The following ARHGEF3 variants were observed in gnomAD, a reference collection of about 807,000 sequenced individuals.
ARHGEF3 encodes the protein 59.8 kDA protein.
Under a neutral mutation model 63.2 loss-of-function variants are expected in ARHGEF3, and 28 were observed. That is an observed-to-expected ratio of 0.44 (90% CI 0.33 to 0.61). ARHGEF3 has a LOEUF of 0.61. Ranked by LOEUF, ARHGEF3 falls within the 20% of genes least tolerant of loss-of-function variation. The pLI is 0.03. For missense variants in ARHGEF3, 533 were observed against 659.3 expected, an observed-to-expected ratio of 0.81 and a Z score of 2.10; for synonymous variants, 266 against 254.2, an observed-to-expected ratio of 1.05 and a Z score of -0.44.
chr3:56,766,949 C>T (rs1044846413), intron 2 of ARHGEF3, among the ~76,000 whole-genome samples: 27 of 152,046 alleles, frequency 1.8e-4, no homozygotes, highest in African/African-American at 6.0e-4. Flanking sequence ...AACAAATGTT[C>T]AACAACAGGA....
At chr3:56,773,054 C>A (rs965284186) in intron 2 of ARHGEF3, among the ~76,000 whole-genome samples, 4 of 151,936 alleles carry the variant, frequency 2.6e-5, no homozygotes, top group African/African-American at 9.7e-5. Flanking sequence ...TGTAAAGGGC[C>A]AGATGGTAAA....
chr3:56,911,960 T>TAC (rs1194074383), intron 3 of ARHGEF3, among the ~76,000 whole-genome samples: 3 of 149,772 alleles, frequency 2.0e-5, no homozygotes, highest in Admixed American at 6.6e-5. Context: ...CATATATATA[T>TAC]ACACACACAT....
intron 2 of ARHGEF3, among the ~76,000 whole-genome samples, chr3:56,967,161 C>T (rs1455889088): frequency 1.4e-5 from 2 of 145,248 alleles, no homozygotes; most frequent in African/African-American, 2.5e-5. Context: ...CCGCGCCCAG[C>T]CTTTTTTTTT....
chr3:56,893,664 G>A (rs971700425), intron 3 of ARHGEF3, among the ~76,000 whole-genome samples: 4 of 151,934 alleles, frequency 2.6e-5, no homozygotes, highest in Admixed American at 1.3e-4. Context: ...AAATTAGCCC[G>A]GCATGGTGGT....
At position 57,073,544 on chromosome 3, in the gene ARHGEF3, G is replaced by A. The variant is rs144737201; in HGVS notation, c.-28+5682C>T. 1.4e-5 allele frequency: 19 copies of A among 1,325,816 alleles called. No homozygotes were observed. In the East Asian group the frequency reaches 2.3e-4, roughly 16 times the overall value. The allele number at this position is 1,325,816 out of a possible 1,614,324, so 82.1% of individuals were successfully genotyped here. ...GGGTTTGGCTCTGTTTGAGCACCCCGGGATGATTGGTGGTGGGGTGTGGCT... is the reference window on the plus strand; with the variant it reads ...GGGTTTGGCTCTGTTTGAGCACCCCAGGATGATTGGTGGTGGGGTGTGGCT... On this transcript the variant is annotated intron_variant, in intron 1 of 12. Transcript: ENST00000338458.
chr3:57,009,134 A>G (rs911303747), intron 2 of ARHGEF3, among the ~76,000 whole-genome samples: 3 of 152,254 alleles, frequency 2.0e-5, no homozygotes, highest in Admixed American at 1.3e-4. Flanking sequence ...GTGAGCCTCA[A>G]GTTTGAGGCT....
chr3:57,068,168 T>TACATACAC lies in ARHGEF3; in HGVS notation c.-28+11057_-28+11058insGTGTATGT, dbSNP rs1553820867. On this transcript the variant is annotated intron_variant, in intron 1 of 12. Transcript: ENST00000338458. ...ATTCAGATATGCGCGCACACACACA[T>TACATACAC]ACACACACACACACACACACACCAG... 3.8e-4 allele frequency among the ~76,000 whole-genome samples: 56 copies of TACATACAC among 149,094 alleles called. 2 individuals are homozygous for TACATACAC. The highest frequency in any genetic ancestry group is 6.8e-3 in the Middle Eastern group (2 of 294).
chr3:56,980,659 C>T (rs1435799946), intron 2 of ARHGEF3, among the ~76,000 whole-genome samples: 1 of 152,214 alleles, frequency 6.6e-6, no homozygotes, highest in African/African-American at 2.4e-5. Flanking sequence ...CTCCTATTAG[C>T]CCATTAGGAA....
intron 4 of ARHGEF3, among the ~76,000 whole-genome samples, chr3:56,821,300 T>A (rs1356892891): frequency 6.6e-6 from 1 of 152,162 alleles, no homozygotes; most frequent in Non-Finnish European, 1.5e-5. Flanking sequence ...GGGAAGAAGT[T>A]AGTAATTGTT....
chr3:57,000,305 AACTCCCACAC>A (rs1197026435), intron 2 of ARHGEF3, among the ~76,000 whole-genome samples: 11 of 79,316 alleles, frequency 1.4e-4, no homozygotes, highest in South Asian at 4.6e-4. Flanking sequence ...TTTAGAGGGT[AACTCCCACAC>A]ACACACACAC....
At chr3:57,013,910 G>T (rs558400595) in intron 2 of ARHGEF3, among the ~76,000 whole-genome samples, 1 of 152,196 alleles carries the variant, frequency 6.6e-6, no homozygotes, top group Admixed American at 6.5e-5. Context: ...GCAGGCTGCC[G>T]GAGCCAGCAG....
chr3:56,745,920 C>G (rs537589037), intron 6 of ARHGEF3, among the ~76,000 whole-genome samples: 14 of 152,354 alleles, frequency 9.2e-5, no homozygotes, highest in African/African-American at 3.4e-4. Context: ...ATCCGCCCGC[C>G]TCGGCCTCCC....
intron 3 of ARHGEF3, among the ~76,000 whole-genome samples, chr3:56,944,674 A>G (rs934292267): frequency 7.3e-6 from 1 of 137,506 alleles, no homozygotes; most frequent in Non-Finnish European, 1.5e-5. Context: ...CCTCCCGGGT[A>G]CAAGCAATTC....
intron 3 of ARHGEF3, among the ~76,000 whole-genome samples, chr3:56,887,106 T>TG (rs144225073): frequency 0.032 from 4,935 of 152,278 alleles, 270 homozygotes; most frequent in African/African-American, 0.11. Flanking sequence ...GAGCTATCAG[T>TG]GTCTGCTATC....
intron 3 of ARHGEF3, among the ~76,000 whole-genome samples, chr3:56,909,687 C>A (rs989326194): frequency 6.6e-6 from 1 of 152,196 alleles, no homozygotes; most frequent in African/African-American, 2.4e-5. Flanking sequence ...ACATGCCGGG[C>A]CTTGGGATAG....
At chr3:56,885,904 C>A (rs532609106) in intron 3 of ARHGEF3, among the ~76,000 whole-genome samples, 3 of 152,314 alleles carry the variant, frequency 2.0e-5, no homozygotes, top group African/African-American at 7.2e-5. Context: ...AGTTTAAACT[C>A]TGGGCTCAGA....
intron 4 of ARHGEF3, among the ~76,000 whole-genome samples, chr3:56,840,392 C>G (rs956754254): frequency 6.6e-6 from 1 of 152,210 alleles, no homozygotes; most frequent in African/African-American, 2.4e-5. Context: ...GGAAAGGGAA[C>G]AGAGATGTGT....
intron 4 of ARHGEF3, among the ~76,000 whole-genome samples, chr3:56,852,527 T>C (rs2039714879): frequency 6.6e-6 from 1 of 152,014 alleles, no homozygotes. Flanking sequence ...CACACACACA[T>C]CCAAAGACCA....
At chr3:56,982,233 T>C (rs1201384179) in intron 2 of ARHGEF3, among the ~76,000 whole-genome samples, 1 of 149,768 alleles carries the variant, frequency 6.7e-6, no homozygotes, top group Non-Finnish European at 1.5e-5. Flanking sequence ...GACTTGCCAG[T>C]GATAAAAAGT....
Sources: allele counts gnomAD v4.1 joint callset (sites outside exome capture counted in the v4.1 genomes callset), GRCh38; gene constraint gnomAD v4.1.1; transcripts MANE v1.5; gene names NCBI Gene and HGNC (gene_info 2026-07-23, HGNC 2026-07-21).